Variants in ADAM9 observed in about 807,000 individuals in gnomAD.
ADAM9 encodes ADAM metallopeptidase domain 9, also known as disintegrin and metalloproteinase domain-containing protein 9.
A neutral mutation model predicts 108.1 loss-of-function variants in ADAM9; 54 were observed. The observed-to-expected ratio is 0.50, with a 90% CI of 0.40 to 0.63. The LOEUF is 0.63. ADAM9 is among the 20% of genes least tolerant of loss of function. The pLI is 0.00. For missense variants in ADAM9, 830 were observed against 997.7 expected (o/e 0.83, Z 2.26); for synonymous variants, 316 against 336.0 (o/e 0.94, Z 0.65).
chr8:39,041,958 C>CT lies in ADAM9; in HGVS notation c.1146dup (p.Ser383Ter). The CT allele has an allele frequency of 6.2e-7, 1 of 1,613,884 alleles. No homozygotes were observed. The highest frequency in any genetic ancestry group is 2.2e-5 in the East Asian group (1 of 44,870). On this transcript the variant is annotated frameshift_variant, in exon 12 of 22. Transcript: ENST00000487273. LOFTEE classifies it high-confidence loss of function. ...ATGTTTATTATAGGGGTTCCAGAAA[C>CT]TTTAGCAGTTGCAGTGCAGAGGACT...
intron 18 of ADAM9, among the ~76,000 whole-genome samples, chr8:39,087,005 A>T (rs1385635226): frequency 6.6e-6 from 1 of 152,174 alleles, no homozygotes; most frequent in Non-Finnish European, 1.5e-5. Context: ...CTCCAGCTTC[A>T]TGTGGTCTCC....
At chr8:39,009,968 C>CCG (rs1206279782) in intron 2 of ADAM9, among the ~76,000 whole-genome samples, 1 of 112,530 alleles carries the variant, frequency 8.9e-6, no homozygotes, top group Non-Finnish European at 1.9e-5. Context: ...AAACAAACCC[C>CCG]CCCCCCCAAA....
At chr8:39,050,108 A>G (rs558671497) in intron 12 of ADAM9, among the ~76,000 whole-genome samples, 4 of 152,162 alleles carry the variant, frequency 2.6e-5, no homozygotes, top group Non-Finnish European at 5.9e-5. Flanking sequence ...GGCCTGCAAG[A>G]TTTCTGCTGA....
chr8:39,022,158 G>A (rs150498775), intron 8 of ADAM9, among the ~76,000 whole-genome samples: 4 of 151,618 alleles, frequency 2.6e-5, no homozygotes, highest in Non-Finnish European at 4.4e-5. Flanking sequence ...GAGTTCATCC[G>A]GTGGGAGATA....
At chr8:39,000,461 CT>C (rs200043842) in intron 1 of ADAM9, among the ~76,000 whole-genome samples, 27 of 148,424 alleles carry the variant, frequency 1.8e-4, no homozygotes, top group African/African-American at 5.2e-4. Flanking sequence ...TGAGTCACAT[CT>C]TTTTTTTTTC....
chr8:39,104,669 C>T lies in ADAM9; in HGVS notation c.*969C>T, dbSNP rs1393580774. On this transcript the variant is annotated 3_prime_UTR_variant, in exon 22 of 22. Transcript: ENST00000487273. ...GAATGTTTACATTTACTAAGGTGTGCTGGGTCATGTAAAATATTAGACACT... is the reference window on the plus strand; with the variant it reads ...GAATGTTTACATTTACTAAGGTGTGTTGGGTCATGTAAAATATTAGACACT... 2.2e-6 allele frequency: 1 copy of T among 453,598 alleles called. No homozygotes were observed. The highest frequency in any genetic ancestry group is 6.9e-5 in the East Asian group (1 of 14,392). 28.1% of individuals were successfully genotyped at this position (453,598 alleles called of 1,614,324 possible).
At chr8:39,047,726 T>TA (rs1284083222) in intron 12 of ADAM9, among the ~76,000 whole-genome samples, 2 of 152,134 alleles carry the variant, frequency 1.3e-5, no homozygotes, top group Admixed American at 1.3e-4. Context: ...TTTTGAAAAA[T>TA]ACTAACTCTT....
chr8:39,044,365 A>G (rs1837545867), intron 12 of ADAM9, among the ~76,000 whole-genome samples: 2 of 152,030 alleles, frequency 1.3e-5, no homozygotes, highest in South Asian at 2.1e-4. Flanking sequence ...TTTTCTTAGC[A>G]TCCTTGTTGA....
At chr8:39,047,859 G>T (rs955596344) in intron 12 of ADAM9, among the ~76,000 whole-genome samples, 1 of 147,938 alleles carries the variant, frequency 6.8e-6, no homozygotes, top group Admixed American at 6.7e-5. Context: ...GATTTCTTGG[G>T]TTGTAAAGTT....
chr8:39,084,732 TC>T (rs1223162363), intron 18 of ADAM9, among the ~76,000 whole-genome samples: 1 of 152,210 alleles, frequency 6.6e-6, no homozygotes, highest in Admixed American at 6.5e-5. Context: ...GGTAGTCGGA[TC>T]TTTCATATCC....
intron 18 of ADAM9, among the ~76,000 whole-genome samples, chr8:39,086,508 C>T (rs894761322): frequency 6.6e-6 from 1 of 152,072 alleles, no homozygotes; most frequent in Non-Finnish European, 1.5e-5. Context: ...TTTCATGACT[C>T]TACATAAGAT....
intron 11 of ADAM9, among the ~76,000 whole-genome samples, chr8:39,029,938 C>CT (rs959785874): frequency 7.9e-5 from 12 of 151,904 alleles, no homozygotes; most frequent in African/African-American, 1.5e-4. Flanking sequence ...TTTGAGAAGA[C>CT]TTTTTTTTCT....
intron 21 of ADAM9, among the ~76,000 whole-genome samples, chr8:39,102,435 G>A (rs989087305): frequency 2.6e-5 from 4 of 152,132 alleles, no homozygotes; most frequent in Non-Finnish European, 5.9e-5. Flanking sequence ...AGGCTAGGAA[G>A]CTGAGGAGAG....
rs1420270506 is a variant in ADAM9, at chr8:39,104,747, A to T, written c.*1047A>T. 1 of 453,850 alleles carries T rather than the reference A, an allele frequency of 2.2e-6. No individual in the cohort carries two copies. Among genetic ancestry groups the T allele is most frequent in the Admixed American group, 2.3e-5 (1 of 42,566 alleles). 28.1% of individuals were successfully genotyped at this position (453,850 alleles called of 1,614,324 possible). On this transcript the variant is annotated 3_prime_UTR_variant, in exon 22 of 22. Transcript: ENST00000487273. ...AAAGAAGGAAGAAATGGTTTTCTTA[A>T]ATACCTACAAAAAAGTTACTGTGGT...
At chr8:38,997,255 G>T (rs1185196320) in intron 1 of ADAM9, 95 bp downstream of exon 1, 8 of 1,406,092 alleles carry the variant, frequency 5.7e-6, no homozygotes, top group Non-Finnish European at 6.8e-6. Flanking sequence ...GAGGGGCCCG[G>T]CCTGGGGATC....
At chr8:39,010,189 T>C (rs1836310719) in intron 2 of ADAM9, among the ~76,000 whole-genome samples, 1 of 151,128 alleles carries the variant, frequency 6.6e-6, no homozygotes, top group Non-Finnish European at 1.5e-5. Context: ...GGGGGAGGAG[T>C]AAACTATCAC....
At chr8:39,085,523 C>T (rs1342593240) in intron 18 of ADAM9, among the ~76,000 whole-genome samples, 1 of 152,088 alleles carries the variant, frequency 6.6e-6, no homozygotes, top group East Asian at 1.9e-4. Flanking sequence ...GTGCTAGTGA[C>T]AAATATTTTT....
intron 3 of ADAM9, among the ~76,000 whole-genome samples, chr8:39,012,529 A>G (rs1181536334): frequency 6.6e-6 from 1 of 152,220 alleles, no homozygotes; most frequent in African/African-American, 2.4e-5. Flanking sequence ...CACAATAGCA[A>G]AGACTTGGAA....
At chr8:39,034,040 G>T (rs1380409106) in intron 11 of ADAM9, among the ~76,000 whole-genome samples, 1 of 152,050 alleles carries the variant, frequency 6.6e-6, no homozygotes, top group Non-Finnish European at 1.5e-5. Flanking sequence ...TTTCTTTTGG[G>T]TTGGTAGAGT....
Sources: gnomAD v4.1 joint callset for allele counts (sites outside exome capture counted in the v4.1 genomes callset) on GRCh38, gnomAD v4.1.1 for gene constraint, MANE v1.5 for transcripts, NCBI Gene and HGNC (gene_info 2026-07-23, HGNC 2026-07-21) for gene names.